DNAH7: variants seen among roughly 807,000 people sequenced by gnomAD.
DNAH7 encodes dynein axonemal heavy chain 7.
In DNAH7, 397 loss-of-function variants were observed where a neutral mutation model predicts 444.6. The observed-to-expected ratio is 0.89, with a 90% CI of 0.82 to 0.97. The LOEUF (loss-of-function observed/expected upper bound fraction) is 0.97, where lower values mean the gene tolerates loss of function less well. DNAH7 is among the 50% of genes least tolerant of loss of function. The pLI, the probability that DNAH7 is intolerant of heterozygous loss-of-function variation, is 0.00. For synonymous variants in DNAH7, 1,636 were observed against 1,624.4 expected, an observed-to-expected ratio of 1.01 and a Z score of -0.17; for missense variants, 4,902 against 4,800.8, an observed-to-expected ratio of 1.02 and a Z score of -0.62.
At chr2:195,988,371 G>A in intron 12 of DNAH7, 142 bp from the exon 13 acceptor site, 1 of 747,430 alleles carries the variant, frequency 1.3e-6, no homozygotes, top group Non-Finnish European at 2.0e-6. Flanking sequence ...CTAATCTATA[G>A]AAAGATATTA....
In DNAH7 at chr2:195,879,782, A is replaced by G. The variant is rs7596711; in HGVS notation, c.5961+2013T>C. Among the ~76,000 whole-genome samples the G allele has an allele frequency of 9.0e-3, 1,363 of 152,284 alleles. 21 individuals are homozygous for G. Among genetic ancestry groups the G allele is most frequent in the African/African-American group, 0.031 (1,270 of 41,572 alleles). ...TGAAAGGGAAAATACTCATTTGCCA[A>G]TAGAGCTAATCTTTAAATGAGAAAT... On this transcript the variant is annotated intron_variant, in intron 36 of 64. Coordinates refer to ENST00000312428, the MANE Select transcript of DNAH7 (RefSeq NM_018897.3).
chr2:195,846,949 ATGTGTGTGTGTG>A (rs35075325), intron 46 of DNAH7, among the ~76,000 whole-genome samples: 4 of 137,216 alleles, frequency 2.9e-5, no homozygotes, highest in South Asian at 2.3e-4. Flanking sequence ...ACTCCCATAT[ATGTGTGTGTGTG>A]TGTGTGTGTG....
At chr2:195,888,500 T>C in intron 32 of DNAH7, 66 bp from the exon 33 acceptor site, 1 of 1,461,420 alleles carries the variant, frequency 6.8e-7, no homozygotes. Flanking sequence ...ATTTGGCACC[T>C]CTGTTTTTTT....
At chr2:195,794,763 T>C (rs1249182434) in intron 56 of DNAH7, among the ~76,000 whole-genome samples, 3 of 152,220 alleles carry the variant, frequency 2.0e-5, no homozygotes, top group Non-Finnish European at 4.4e-5. Flanking sequence ...GTAACATTAA[T>C]TCATATGATT....
chr2:195,895,244 A>C lies in DNAH7; in HGVS notation c.4648-20T>G. On this transcript the variant is annotated intron_variant, in intron 29 of 64. Transcript: ENST00000312428. The stretch of plus-strand genomic sequence containing the variant: ...AATTCCCTGATGATAGATGATTTGA[A>C]GGATTTACATTTTATATATTTATAT... The C allele has an allele frequency of 6.4e-7, 1 of 1,554,256 alleles. No individual in the cohort carries two copies. The highest frequency in any genetic ancestry group is 1.7e-5 in the Admixed American group (1 of 57,560).
chr2:195,890,418 G>A (rs1366704371), intron 31 of DNAH7, among the ~76,000 whole-genome samples: 1 of 152,194 alleles, frequency 6.6e-6, no homozygotes. Flanking sequence ...GACTTCAGGT[G>A]AACTACTTAA....
intron 37 of DNAH7, 80 bp downstream of exon 37, chr2:195,876,464 T>C: frequency 7.4e-7 from 1 of 1,347,138 alleles, no homozygotes; most frequent in Non-Finnish European, 1.0e-6. Flanking sequence ...AAGATGTCTC[T>C]CCCCAGGATA....
intron 35 of DNAH7, among the ~76,000 whole-genome samples, chr2:195,882,840 C>A (rs980919081): frequency 1.3e-5 from 2 of 152,150 alleles, no homozygotes; most frequent in South Asian, 4.1e-4. Flanking sequence ...CTGGTCCCCC[C>A]ACCCCGCTTC....
At chr2:195,781,697 T>C (rs1695386704) in intron 58 of DNAH7, among the ~76,000 whole-genome samples, 1 of 133,550 alleles carries the variant, frequency 7.5e-6, no homozygotes, top group African/African-American at 2.9e-5. Context: ...AAAATCTTAG[T>C]TATCAAAAAG....
chr2:196,005,716 T>A (rs1559327347), intron 10 of DNAH7, among the ~76,000 whole-genome samples: 1 of 152,026 alleles, frequency 6.6e-6, no homozygotes, highest in Non-Finnish European at 1.5e-5. Flanking sequence ...CAAATTAATA[T>A]TAATAATTTA....
At chr2:195,800,451 T>C (rs1156883693) in intron 54 of DNAH7, among the ~76,000 whole-genome samples, 1 of 152,228 alleles carries the variant, frequency 6.6e-6, no homozygotes, top group South Asian at 2.1e-4. Context: ...TCTAACATGA[T>C]ATTGTTAATT....
At position 195,844,095 on chromosome 2, in the gene DNAH7, C is replaced by CA. The variant is rs377255491; in HGVS notation, c.8945+906dup. ...TGGGCAACGGAGTGAGACTCCGTCT[C>CA]AAAAAAAAACAAAAAACCCAAAAAC... On this transcript the variant is annotated intron_variant, in intron 47 of 64. Coordinates refer to ENST00000312428, the MANE Select transcript of DNAH7 (RefSeq NM_018897.3). 2.2e-3 allele frequency among the ~76,000 whole-genome samples: 230 copies of CA among 104,910 alleles called. 3 individuals carry two copies. The highest frequency in any genetic ancestry group is 5.5e-3 in the South Asian group (14 of 2,546). 68.8% of individuals were successfully genotyped at this position (104,910 alleles called of 152,430 possible). A position where few individuals can be genotyped will look rare whatever the true frequency, so the allele number is the denominator to read the frequency against.
At chr2:195,945,160 A>G (rs1290220963) in intron 19 of DNAH7, among the ~76,000 whole-genome samples, 5 of 152,160 alleles carry the variant, frequency 3.3e-5, no homozygotes, top group Admixed American at 6.6e-5. Flanking sequence ...ACCCTTCTAC[A>G]TATTAAGCAA....
chr2:195,799,420 A>G lies in DNAH7; in HGVS notation c.10229T>C (p.Ile3410Thr). Residue 3410 changes from isoleucine to threonine, a missense_variant, in exon 55 of 65, where the codon ATT becomes ACT. By Grantham distance (89) the Ile-to-Thr change is moderately conservative. Coordinates refer to ENST00000312428, the MANE Select transcript of DNAH7 (RefSeq NM_018897.3). ...GGCTAAATCAAAGGGGGGTGGTTCA[A>G]TGAATGCACGTCCCAATCTGTTGAT... ...FIINRLGRAFIEPPPFDLAKA... is the reference protein window; with the variant it reads ...FIINRLGRAFTEPPPFDLAKA... 1 of 1,610,496 alleles carries G rather than the reference A, an allele frequency of 6.2e-7. No individual in the cohort carries two copies. Among genetic ancestry groups the G allele is most frequent in the Admixed American group, 1.7e-5 (1 of 59,482 alleles).
intron 5 of DNAH7, among the ~76,000 whole-genome samples, chr2:196,041,804 C>A (rs1696779119): frequency 6.6e-6 from 1 of 151,750 alleles, no homozygotes; most frequent in Admixed American, 6.6e-5. Flanking sequence ...TATCCATAGA[C>A]AAGGGATAAG....
intron 46 of DNAH7, among the ~76,000 whole-genome samples, chr2:195,845,661 A>T (rs1016990920): frequency 7.2e-5 from 11 of 152,204 alleles, no homozygotes; most frequent in Admixed American, 7.2e-4. Flanking sequence ...TGGTGCAAAA[A>T]CATAGATGAA....
intron 49 of DNAH7, among the ~76,000 whole-genome samples, chr2:195,820,796 A>T (rs1697431904): frequency 6.6e-6 from 1 of 152,232 alleles, no homozygotes; most frequent in Admixed American, 6.5e-5. Context: ...AAACATGTGA[A>T]CTAGGAGAGA....
chr2:195,858,629 C>T lies in DNAH7; in HGVS notation c.7912G>A (p.Ala2638Thr), dbSNP rs911023081. The T allele has an allele frequency of 5.6e-6, 9 of 1,614,020 alleles. No homozygotes were observed. Among genetic ancestry groups the T allele is most frequent in the Non-Finnish European group, 7.6e-6 (9 of 1,179,930 alleles). Reference protein sequence around the residue: ...IMIEKESVEVAKTEKIVKADE... With the variant: ...IMIEKESVEVTKTEKIVKADE... ...GCTTTCACTATTTTTTCAGTTTTGG[C>T]AACTTCTACAGACTCTTTCTCAATC... Residue 2638 changes from alanine to threonine, a missense_variant, in exon 43 of 65, where the codon GCC (alanine) becomes ACC (threonine). Coordinates refer to ENST00000312428, the MANE Select transcript of DNAH7 (RefSeq NM_018897.3).
intron 30 of DNAH7, chr2:195,892,825 TA>T (rs1266347356): frequency 2.0e-5 from 3 of 152,086 alleles, no homozygotes; most frequent in African/African-American, 7.2e-5. Flanking sequence ...ATTTATTTTT[TA>T]TATATAAAAA....
Sources: allele counts gnomAD v4.1 joint callset (sites outside exome capture counted in the v4.1 genomes callset), GRCh38; gene constraint gnomAD v4.1.1; transcripts MANE v1.5; gene names NCBI Gene and HGNC (gene_info 2026-07-23, HGNC 2026-07-21).